Variants in ZNF445 observed in about 807,000 individuals in gnomAD.
ZNF445 encodes the protein zinc finger protein 168.
ZNF445 carries 19 observed loss-of-function variants against 93.9 expected under a neutral mutation model. The ratio of observed to expected loss-of-function variants is 0.20; its 90% CI spans 0.14 to 0.30. The LOEUF (loss-of-function observed/expected upper bound fraction) is 0.30. ZNF445 is among the 10% of genes least tolerant of loss of function. The probability of loss-of-function intolerance (pLI) is 1.00; values close to 1 mark genes in which losing one functional copy is unlikely to be tolerated. For missense variants in ZNF445, 1,058 were observed against 1,259.4 expected (o/e 0.84, Z 2.42); for synonymous variants, 449 against 446.3 (o/e 1.01, Z -0.08).
intron 1 of ZNF445, among the ~76,000 whole-genome samples, chr3:44,474,516 A>G (rs1054917693): frequency 1.3e-5 from 2 of 152,152 alleles, no homozygotes; most frequent in South Asian, 2.1e-4. Flanking sequence ...TTCCGTCTCA[A>G]ACAAACAAAA....
Position 44,435,453 on chromosome 3 carries a change from GTTAA to G in ZNF445, c.*11118_*11121del. ...ACAGCACCTGCACTTGGAATCACTA[GTTAA>G]TTAAGTTTACAATTAATCCAATTGT... On this transcript the variant is annotated 3_prime_UTR_variant, in exon 8 of 8. Coordinates refer to ENST00000396077, the MANE Select transcript of ZNF445 (RefSeq NM_181489.6). The G allele has an allele frequency of 6.6e-6, 1 of 152,292 alleles. No individual in the cohort carries two copies. The highest frequency in any genetic ancestry group is 1.5e-5 in the Non-Finnish European group (1 of 68,030). The allele number at this position is 152,292 out of a possible 1,614,324, so 9.4% of individuals were successfully genotyped here.
rs112669440 is a variant in ZNF445, at chr3:44,477,426, C to G, written c.-269+165G>C. On this transcript the variant is annotated intron_variant, in intron 1 of 7. Transcript: ENST00000396077. Reference sequence around the variant, plus strand: ...GGCAAAGAGGTTCTAGATACGCCCTCAGCGTGGCGGGGGCGGGATCCACCG... The same window carrying G: ...GGCAAAGAGGTTCTAGATACGCCCTGAGCGTGGCGGGGGCGGGATCCACCG... Among the ~76,000 whole-genome samples the G allele has an allele frequency of 5.1e-3, 778 of 152,234 alleles. 3 individuals carry two copies. Among genetic ancestry groups the G allele is most frequent in the Middle Eastern group, 0.014 (4 of 294 alleles).
At position 44,448,291 on chromosome 3, in the gene ZNF445, G is replaced by A. The variant is rs905220471; in HGVS notation, c.1380C>T (p.Asp460=). The A allele has an allele frequency of 5.0e-6, 8 of 1,614,154 alleles. No homozygotes were observed. Among genetic ancestry groups the A allele is most frequent in the Middle Eastern group, 1.6e-4 (1 of 6,062 alleles). Residue 460 remains aspartate, a synonymous_variant, in exon 8 of 8, where the codon GAC becomes GAT. Transcript: ENST00000396077. ...IHSGLKGNKK[D]VCGKDFSLSS... is the part of the protein sequence containing the mutation. The stretch of plus-strand genomic sequence containing the variant: ...TAAGGCTGAAGTCTTTTCCACACAC[G>A]TCCTTTTTGTTCCCTTTCAGTCCAC...
rs1468611592 is a variant in ZNF445 at position 44,443,686 on chromosome 3, G to A, written c.*2889C>T. 2.0e-5 allele frequency: 3 copies of A among 151,798 alleles called. No individual in the cohort carries two copies. The highest frequency in any genetic ancestry group is 4.4e-5 in the Non-Finnish European group (3 of 67,982). The allele number at this position is 151,798 out of a possible 1,614,324, so 9.4% of individuals were successfully genotyped here. The stretch of plus-strand genomic sequence containing the variant: ...CAGGAGAATGGTGTGAGCCCAGGAG[G>A]CAGAGCTTGCAGTGAGCGGAGATCG... On this transcript the variant is annotated 3_prime_UTR_variant, in exon 8 of 8. Transcript: ENST00000396077.
chr3:44,477,378 T>C (rs1698379829), intron 1 of ZNF445, among the ~76,000 whole-genome samples: 1 of 152,170 alleles, frequency 6.6e-6, no homozygotes, highest in Non-Finnish European at 1.5e-5. Flanking sequence ...GGGCTCCAGA[T>C]TCTCTACCCC....
chr3:44,455,477 T>G lies in ZNF445; in HGVS notation c.73A>C (p.Thr25Pro). ...TCATCCTCTTCTTCCTTCTTTACTGTCTGAAGCCGCCCTCGCTCCCTCGAA... is the reference window on the plus strand; with the variant it reads ...TCATCCTCTTCTTCCTTCTTTACTGGCTGAAGCCGCCCTCGCTCCCTCGAA... Reference protein sequence around the residue: ...QSSRERGRLQTVKKEEEDESY... With the variant: ...QSSRERGRLQPVKKEEEDESY... The change falls in exon 3 of 8, where the codon ACA (threonine) becomes CCA (proline). Residue 25 changes from threonine (T) to proline (P), a missense_variant. By Grantham distance (38) the Thr-to-Pro change is conservative. Around this residue, in one of 3 missense-constraint regions of ZNF445, gnomAD observed 657 missense variants for 746.4 expected, o/e 0.88. Transcript: ENST00000396077. The G allele has an allele frequency of 6.2e-7, 1 of 1,614,048 alleles. No homozygotes were observed. The highest frequency in any genetic ancestry group is 8.5e-7 in the Non-Finnish European group (1 of 1,179,946).
intron 1 of ZNF445, among the ~76,000 whole-genome samples, chr3:44,474,475 T>C (rs539666224): frequency 1.7e-4 from 26 of 152,062 alleles, no homozygotes; most frequent in African/African-American, 4.6e-4. Context: ...GATCACGCCA[T>C]TGCACTCCAG....
chr3:44,465,308 AG>A (rs552827779), intron 1 of ZNF445, among the ~76,000 whole-genome samples: 86 of 152,332 alleles, frequency 5.6e-4, no homozygotes, highest in African/African-American at 1.8e-3. Flanking sequence ...AACCTAAAAG[AG>A]GAATGGAACA....
At position 44,446,527 on chromosome 3, in the gene ZNF445, T is replaced by C; in HGVS notation, c.*48A>G. On this transcript the variant is annotated 3_prime_UTR_variant, in exon 8 of 8. Coordinates refer to ENST00000396077, the MANE Select transcript of ZNF445 (RefSeq NM_181489.6). The surrounding 1 kb of genome is among the most constrained non-coding windows in gnomAD (Gnocchi z 4.2). ...ACAATGCCTATAATTAAGGGTTCTC[T>C]AGCAGGGGACTGAGAACCCACCCCC... The C allele has an allele frequency of 6.2e-7, 1 of 1,608,532 alleles. No homozygotes were observed. Among genetic ancestry groups the C allele is most frequent in the Non-Finnish European group, 8.5e-7 (1 of 1,178,364 alleles).
chr3:44,465,280 G>A (rs1162216201), intron 1 of ZNF445, among the ~76,000 whole-genome samples: 1 of 152,032 alleles, frequency 6.6e-6, no homozygotes, highest in African/African-American at 2.4e-5. Flanking sequence ...TATTTCAGAA[G>A]GTTTTAAGGA....
At chr3:44,474,907 G>A (rs912805126) in intron 1 of ZNF445, among the ~76,000 whole-genome samples, 3 of 151,842 alleles carry the variant, frequency 2.0e-5, no homozygotes, top group African/African-American at 7.3e-5. Flanking sequence ...CGAGGCAGGT[G>A]GATCACCTGA....
chr3:44,456,527 T>C (rs775985969), intron 2 of ZNF445, among the ~76,000 whole-genome samples: 5 of 152,330 alleles, frequency 3.3e-5, no homozygotes, highest in Non-Finnish European at 7.3e-5. Context: ...TCAAGACTTA[T>C]AGCTATATTA....
At chr3:44,465,686 G>A (rs1176214315) in intron 1 of ZNF445, among the ~76,000 whole-genome samples, 1 of 152,210 alleles carries the variant, frequency 6.6e-6, no homozygotes, top group Non-Finnish European at 1.5e-5. Flanking sequence ...GCTGAGGCAG[G>A]AGGATTACCT....
chr3:44,449,513 C>G lies in ZNF445; in HGVS notation c.931G>C (p.Gly311Arg), dbSNP rs1367603281. The G allele has an allele frequency of 6.2e-7, 1 of 1,613,622 alleles. No homozygotes were observed. The highest frequency in any genetic ancestry group is 1.3e-5 in the African/African-American group (1 of 74,914). Reference sequence around the variant, plus strand: ...ACCTGGCAGGTTCTCTGGAACTCACCTGTAGGAGCAGCAACTGGATTCCCC... The same window carrying G: ...ACCTGGCAGGTTCTCTGGAACTCACGTGTAGGAGCAGCAACTGGATTCCCC... ...PKGNPVAAPT[G>R]DDLQSKTNKF... The change falls in exon 7 of 8, where the codon GGA becomes CGA. Residue 311 changes from glycine (G) to arginine (R), a missense_variant and splice_region_variant. By Grantham distance (125) the Gly-to-Arg change is moderately radical (BLOSUM62 -2). Coordinates refer to ENST00000396077, the MANE Select transcript of ZNF445 (RefSeq NM_181489.6).
At chr3:44,457,992 G>T in intron 2 of ZNF445, among the ~76,000 whole-genome samples, 1 of 112,690 alleles carries the variant, frequency 8.9e-6, no homozygotes, top group Admixed American at 1.2e-4. Flanking sequence ...CAGCCTGGGC[G>T]ACAGAATAAG....
chr3:44,444,788 C>G lies in ZNF445; in HGVS notation c.*1787G>C, dbSNP rs1292664297. The stretch of plus-strand genomic sequence containing the variant: ...GCAATCCAGAGCAGGTAAGATTATT[C>G]CATACTCTACTGAAAAAGACATCTT... On this transcript the variant is annotated 3_prime_UTR_variant, in exon 8 of 8. Transcript: ENST00000396077. The G allele has an allele frequency of 6.6e-6, 1 of 152,090 alleles. No individual in the cohort carries two copies. Among genetic ancestry groups the G allele is most frequent in the African/African-American group, 2.4e-5 (1 of 41,396 alleles). 9.4% of individuals were successfully genotyped at this position (152,090 alleles called of 1,614,324 possible).
chr3:44,477,295 T>A (rs745726040), intron 1 of ZNF445, among the ~76,000 whole-genome samples: 5 of 152,248 alleles, frequency 3.3e-5, no homozygotes, highest in Admixed American at 6.5e-5. Context: ...TACTTTCCCG[T>A]GTTATCTAAT....
At chr3:44,476,961 A>G (rs755693916) in intron 1 of ZNF445, among the ~76,000 whole-genome samples, 28 of 152,246 alleles carry the variant, frequency 1.8e-4, no homozygotes, top group Admixed American at 1.4e-3. Flanking sequence ...TTTAGCCAAA[A>G]TAAGAACAAA....
chr3:44,457,673 A>G (rs962588710), intron 2 of ZNF445, among the ~76,000 whole-genome samples: 12 of 152,230 alleles, frequency 7.9e-5, no homozygotes, highest in African/African-American at 2.9e-4. Context: ...AGGAAAACTG[A>G]CCAAAACCTC....
Sources: allele counts gnomAD v4.1 joint callset (sites outside exome capture counted in the v4.1 genomes callset), GRCh38; gene constraint gnomAD v4.1.1; regional missense constraint gnomAD v4.1.1; non-coding constraint Gnocchi (gnomAD v3.1); transcripts MANE v1.5; gene names NCBI Gene and HGNC (gene_info 2026-07-23, HGNC 2026-07-21).